AR: variants seen among roughly 807,000 people sequenced by gnomAD.
AR encodes dihydrotestosterone receptor.
Under a neutral mutation model 53.9 loss-of-function variants are expected in AR, and 8 were observed. The ratio of observed to expected loss-of-function variants is 0.15; its 90% CI spans 0.09 to 0.27. The LOEUF (loss-of-function observed/expected upper bound fraction) is 0.27, where lower values mean the gene tolerates loss of function less well. Ranked by LOEUF, AR falls within the 10% of genes least tolerant of loss-of-function variation. The pLI is 1.00. For synonymous variants in AR, 359 were observed against 316.4 expected (o/e 1.13, Z -1.43); for missense variants, 639 against 742.5 (o/e 0.86, Z 1.62).
intron 2 of AR, among the ~76,000 whole-genome samples, chrX:67,675,024 T>G (rs2075890949): frequency 9.0e-6 from 1 of 110,592 alleles, no homozygotes; most frequent in Non-Finnish European, 1.9e-5. Flanking sequence ...ATCCTGCCAG[T>G]ACTGATTCCT....
At chrX:67,699,337 G>A (rs1254422833) in intron 3 of AR, among the ~76,000 whole-genome samples, 2 of 111,829 alleles carry the variant, frequency 1.8e-5, no homozygotes, top group Non-Finnish European at 3.8e-5. Context: ...GTTATTTGTG[G>A]TTGTAGGACT....
intron 2 of AR, among the ~76,000 whole-genome samples, chrX:67,664,917 G>C (rs987435485): frequency 4.4e-5 from 5 of 112,859 alleles, no homozygotes; most frequent in Admixed American, 2.8e-4. Context: ...CTCTGAGCCA[G>C]GCACAGGATA....
chrX:67,555,470 G>C (rs1007783490), intron 1 of AR, among the ~76,000 whole-genome samples: 2 of 111,912 alleles, frequency 1.8e-5, no homozygotes, highest in Non-Finnish European at 3.8e-5. Flanking sequence ...ATTGCACTTG[G>C]TGGGTACATG....
chrX:67,594,254 A>G (rs1256879982), intron 1 of AR, among the ~76,000 whole-genome samples: 1 of 111,776 alleles, frequency 8.9e-6, no homozygotes, highest in Non-Finnish European at 1.9e-5. Context: ...TCAGCCTCCT[A>G]AAGTGCTGTG....
At chrX:67,645,234 A>G (rs1178786601) in intron 2 of AR, among the ~76,000 whole-genome samples, 2 of 112,018 alleles carry the variant, frequency 1.8e-5, no homozygotes, top group Non-Finnish European at 3.8e-5. Flanking sequence ...TTTTACAAAT[A>G]TGGGTCACTA....
At chrX:67,709,469 G>A (rs944038589) in intron 3 of AR, among the ~76,000 whole-genome samples, 1 of 112,468 alleles carries the variant, frequency 8.9e-6, no homozygotes, top group South Asian at 3.7e-4. Flanking sequence ...CTGGTGTGCC[G>A]TTTGCTAAGA....
At chrX:67,548,086 T>C (rs1417802104) in intron 1 of AR, among the ~76,000 whole-genome samples, 1 of 111,914 alleles carries the variant, frequency 8.9e-6, no homozygotes, top group African/African-American at 3.3e-5. Flanking sequence ...ATGGCTGTTT[T>C]CTTTTACCTG....
rs2076163545 is a variant in AR at position 67,727,747 on chromosome X, G to A, written c.*3906G>A. On this transcript the variant is annotated 3_prime_UTR_variant, in exon 8 of 8. Coordinates refer to ENST00000374690, the MANE Select transcript of AR (RefSeq NM_000044.6). ...CATAGCCCTGGAAAAATAAGAGGCT[G>A]ACTGTCTACGAATTATCTTGTGCCA... is the stretch of plus-strand genomic sequence containing the variant. The A allele has an allele frequency of 5.8e-6, 1 of 171,594 alleles. No homozygotes were observed. Among genetic ancestry groups the A allele is most frequent in the Admixed American group, 8.0e-5 (1 of 12,578 alleles). 14.1% of individuals were successfully genotyped at this position (171,594 alleles called of 1,213,427 possible).
chrX:67,626,436 CTTTTTTTTT>C (rs1233324601), intron 1 of AR, among the ~76,000 whole-genome samples: 16 of 46,816 alleles, frequency 3.4e-4, no homozygotes, highest in African/African-American at 1.2e-3. Flanking sequence ...CAGGCTCTCT[CTTTTTTTTT>C]TTTTTTTTTT....
chrX:67,728,509 G>T lies in AR; in HGVS notation c.*4668G>T, dbSNP rs185434586. 2 of 122,611 alleles carry T rather than the reference G, an allele frequency of 1.6e-5. No individual in the cohort carries two copies. The highest frequency in any genetic ancestry group is 3.1e-5 in the Non-Finnish European group (2 of 64,359). 10.1% of individuals were successfully genotyped at this position (122,611 alleles called of 1,213,427 possible). A position where few individuals can be genotyped will look rare whatever the true frequency, so the allele number is the denominator to read the frequency against. ...CTTTGGATGGCACAAAAAGTTATCT[G>T]CAGTTGAAGGCAGAAAGTTGAAATA... is the stretch of plus-strand genomic sequence containing the variant. On this transcript the variant is annotated 3_prime_UTR_variant, in exon 8 of 8. Transcript: ENST00000374690.
chrX:67,721,110 C>G (rs902968546), intron 5 of AR, among the ~76,000 whole-genome samples: 3 of 111,558 alleles, frequency 2.7e-5, no homozygotes, highest in Non-Finnish European at 3.8e-5. Flanking sequence ...ATGCAACTCA[C>G]ATATGTCTAC....
At chrX:67,555,304 A>G (rs765464823) in intron 1 of AR, among the ~76,000 whole-genome samples, 23 of 112,068 alleles carry the variant, frequency 2.1e-4, no homozygotes, top group Admixed American at 5.7e-4. Context: ...CTCAAGCAAT[A>G]GATTAAAGAT....
intron 2 of AR, among the ~76,000 whole-genome samples, chrX:67,663,917 A>C (rs1927100670): frequency 8.9e-6 from 1 of 112,286 alleles, no homozygotes; most frequent in African/African-American, 3.2e-5. Context: ...CTAATCGGCT[A>C]CTGAGGCTTG....
chrX:67,726,607 A>C lies in AR; in HGVS notation c.*2766A>C, dbSNP rs754983151. The C allele has an allele frequency of 5.7e-6, 1 of 174,658 alleles. No homozygotes were observed. The highest frequency in any genetic ancestry group is 1.1e-5 in the Non-Finnish European group (1 of 91,650). The allele number at this position is 174,658 out of a possible 1,213,427, so 14.4% of individuals were successfully genotyped here. On this transcript the variant is annotated 3_prime_UTR_variant, in exon 8 of 8. Transcript: ENST00000374690. ...AAAAGCAACAACTGGATTACTCCAA[A>C]TTTCCAAATGACAAAACTAGGGAAA...
At chrX:67,624,200 G>A (rs754502752) in intron 1 of AR, among the ~76,000 whole-genome samples, 10 of 111,542 alleles carry the variant, frequency 9.0e-5, no homozygotes, top group Non-Finnish European at 1.7e-4. Context: ...ACAATTCAAC[G>A]TGCGATTTGG....
At chrX:67,715,410 G>T (rs756859350) in intron 4 of AR, among the ~76,000 whole-genome samples, 6 of 111,146 alleles carry the variant, frequency 5.4e-5, no homozygotes, top group Non-Finnish European at 9.4e-5. Flanking sequence ...CTGCTAAGAT[G>T]AGGGACTCTA....
chrX:67,694,834 A>C, intron 3 of AR: 1 of 1,098,255 alleles, frequency 9.1e-7, no homozygotes, highest in South Asian at 2.3e-5. Flanking sequence ...TCCTCAACAC[A>C]GACTTTGACG....
At chrX:67,699,026 T>A (rs2076032120) in intron 3 of AR, among the ~76,000 whole-genome samples, 1 of 112,052 alleles carries the variant, frequency 8.9e-6, no homozygotes, top group Admixed American at 9.5e-5. Flanking sequence ...AAGGTAGTAA[T>A]TAACGGAGCC....
intron 1 of AR, among the ~76,000 whole-genome samples, chrX:67,641,621 G>A (rs1367698345): frequency 9.0e-6 from 1 of 111,534 alleles, no homozygotes; most frequent in African/African-American, 3.3e-5. Context: ...GCTCTTGCTG[G>A]CTTTCTAGTT....
Sources: gnomAD v4.1 joint callset for allele counts (sites outside exome capture counted in the v4.1 genomes callset) on GRCh38, gnomAD v4.1.1 for gene constraint, MANE v1.5 for transcripts, NCBI Gene and HGNC (gene_info 2026-07-23, HGNC 2026-07-21) for gene names.